The following KCNIP4 variants were observed in gnomAD, a reference collection of about 807,000 sequenced individuals.
KCNIP4 encodes Kv channel-interacting protein 4.
KCNIP4 carries 12 observed loss-of-function variants against 34.0 expected under a neutral mutation model. The observed-to-expected ratio is 0.35, with a 90% CI of 0.23 to 0.57. KCNIP4 has a LOEUF of 0.57. Among genes scored for constraint, KCNIP4 ranks in the 20% least tolerant of loss-of-function variants. The probability of loss-of-function intolerance (pLI) is 0.83; values close to 1 mark genes in which losing one functional copy is unlikely to be tolerated. For missense variants in KCNIP4, 238 were observed against 311.7 expected (o/e 0.76, Z 1.78); for synonymous variants, 124 against 102.2 (o/e 1.21, Z -1.29).
At chr4:20,911,463 G>C (rs1577354424) in intron 1 of KCNIP4, among the ~76,000 whole-genome samples, 3 of 152,194 alleles carry the variant, frequency 2.0e-5, no homozygotes, top group African/African-American at 7.2e-5. Context: ...CTAGTGGCTT[G>C]AGATGGGTTA....
chr4:21,911,289 A>G (rs1728294018), intron 1 of KCNIP4, among the ~76,000 whole-genome samples: 1 of 152,186 alleles, frequency 6.6e-6, no homozygotes, highest in African/African-American at 2.4e-5. Context: ...TAGACAAGAT[A>G]CAAGTTTTCT....
chr4:21,024,793 G>A (rs2149753718), intron 1 of KCNIP4, among the ~76,000 whole-genome samples: 1 of 152,252 alleles, frequency 6.6e-6, no homozygotes, highest in Middle Eastern at 3.4e-3. Context: ...AGATCCTATT[G>A]TTATTGACTT....
At chr4:21,611,939 A>G (rs1744193570) in intron 1 of KCNIP4, among the ~76,000 whole-genome samples, 1 of 152,202 alleles carries the variant, frequency 6.6e-6, no homozygotes, top group African/African-American at 2.4e-5. Flanking sequence ...AGATAAACTT[A>G]GAGAAACTGC....
chr4:21,869,783 T>TAGAC (rs1278922960), intron 1 of KCNIP4, among the ~76,000 whole-genome samples: 1,933 of 143,822 alleles, frequency 0.013, 55 homozygotes, highest in East Asian at 0.035. Context: ...GATAGATAGA[T>TAGAC]AGACAGACAG....
intron 1 of KCNIP4, among the ~76,000 whole-genome samples, chr4:20,937,159 T>C (rs1731150024): frequency 6.6e-6 from 1 of 151,826 alleles, no homozygotes; most frequent in South Asian, 2.1e-4. Context: ...AGGTCTTTAT[T>C]TAGTGCTGCA....
At chr4:21,768,322 ACAGTAC>A (rs1418513858) in intron 1 of KCNIP4, among the ~76,000 whole-genome samples, 15 of 152,038 alleles carry the variant, frequency 9.9e-5, no homozygotes, top group Admixed American at 4.6e-4. Context: ...CTCTCTCTAA[ACAGTAC>A]CAGAAACTCC....
intron 1 of KCNIP4, among the ~76,000 whole-genome samples, chr4:21,512,001 A>G (rs943519335): frequency 1.3e-5 from 2 of 151,748 alleles, no homozygotes; most frequent in African/African-American, 4.8e-5. Flanking sequence ...AGATGGAAGG[A>G]AGTAAGGAGT....
chr4:21,104,722 T>A (rs1748327750), intron 1 of KCNIP4, among the ~76,000 whole-genome samples: 1 of 151,730 alleles, frequency 6.6e-6, no homozygotes, highest in South Asian at 2.1e-4. Flanking sequence ...GTTTTTATGG[T>A]TTTAGCTCTA....
intron 3 of KCNIP4, among the ~76,000 whole-genome samples, chr4:20,775,328 A>G (rs1460911485): frequency 6.6e-6 from 1 of 152,194 alleles, no homozygotes; most frequent in Non-Finnish European, 1.5e-5. Context: ...CATGGATTGC[A>G]ATGTAAATAA....
At chr4:20,930,838 T>TA (rs34828281) in intron 1 of KCNIP4, among the ~76,000 whole-genome samples, 75,578 of 144,102 alleles carry the variant, frequency 0.52, 20,722 homozygotes, top group East Asian at 0.75. Flanking sequence ...ATGGCTATTA[T>TA]AAAAAAAAAA....
intron 1 of KCNIP4, among the ~76,000 whole-genome samples, chr4:21,174,987 C>CT (rs201939257): frequency 0.023 from 3,413 of 151,032 alleles, 143 homozygotes; most frequent in African/African-American, 0.077. Flanking sequence ...GATTTTGTTA[C>CT]TTTTTTTTAC....
chr4:21,056,032 G>T (rs1743366765), intron 1 of KCNIP4, among the ~76,000 whole-genome samples: 1 of 152,114 alleles, frequency 6.6e-6, no homozygotes, highest in South Asian at 2.1e-4. Context: ...GAGGCTGTGT[G>T]TCGGGGTGGG....
rs746901878 is a variant in KCNIP4, at chr4:20,734,666, G to C, written c.499C>G (p.Leu167Val). 6.3e-7 allele frequency: 1 copy of C among 1,597,540 alleles called. No homozygotes were observed. Among genetic ancestry groups the C allele is most frequent in the Admixed American group, 1.7e-5 (1 of 58,262 alleles). The change falls in exon 6 of 9, where the codon CTG becomes GTG. Residue 167 changes from leucine to valine, a missense_variant. Leu to Val is a conservative substitution (Grantham distance 32). Coordinates refer to ENST00000382152, the MANE Select transcript of KCNIP4 (RefSeq NM_025221.6). ...TAGCCATCTTTATTTATGTCATACA[G>C]ATTAAATGCCCAATTGAGTTTTTCT... ...VQEKLNWAFN[L>V]YDINKDGYIT... is the part of the protein sequence containing the mutation.
At chr4:21,750,845 T>A (rs1304968516) in intron 1 of KCNIP4, among the ~76,000 whole-genome samples, 1 of 152,114 alleles carries the variant, frequency 6.6e-6, no homozygotes, top group Non-Finnish European at 1.5e-5. Flanking sequence ...CCTACATGGC[T>A]TCAAACAATT....
intron 1 of KCNIP4, among the ~76,000 whole-genome samples, chr4:21,337,806 T>C (rs1313816746): frequency 6.6e-6 from 1 of 152,168 alleles, no homozygotes; most frequent in East Asian, 1.9e-4. Context: ...GAGTTTCCTA[T>C]TGTAAAGTGG....
rs73107462 is a variant in KCNIP4, at chr4:21,143,060, C to A, written c.62-260351G>T. ...AGATTACTAGGTGTTGTGCAGAATC[C>A]TCAAGATAGCTCCCCCAACATTCAG... On this transcript the variant is annotated intron_variant, in intron 1 of 8. Coordinates refer to ENST00000382152, the MANE Select transcript of KCNIP4 (RefSeq NM_025221.6). 2.0e-5 allele frequency among the ~76,000 whole-genome samples: 3 copies of A among 151,922 alleles called. No individual in the cohort carries two copies. In the East Asian group the frequency reaches 5.8e-4, roughly 29 times the overall value.
intron 1 of KCNIP4, among the ~76,000 whole-genome samples, chr4:21,887,525 C>A (rs1304839530): frequency 6.6e-6 from 1 of 152,058 alleles, no homozygotes; most frequent in Non-Finnish European, 1.5e-5. Flanking sequence ...GTCCACATCA[C>A]CTGGGGACAG....
intron 3 of KCNIP4, among the ~76,000 whole-genome samples, chr4:20,781,775 G>A (rs990899933): frequency 6.6e-6 from 1 of 151,984 alleles, no homozygotes; most frequent in African/African-American, 2.4e-5. Context: ...TTCAATCCCT[G>A]GCCCCTCCAA....
intron 1 of KCNIP4, among the ~76,000 whole-genome samples, chr4:21,080,369 T>G (rs993621090): frequency 1.3e-5 from 2 of 152,018 alleles, no homozygotes; most frequent in African/African-American, 4.8e-5. Context: ...TTCATTATTA[T>G]GCTTACCTCT....
Sources: allele counts gnomAD v4.1 joint callset (sites outside exome capture counted in the v4.1 genomes callset), GRCh38; gene constraint gnomAD v4.1.1; transcripts MANE v1.5; gene names NCBI Gene and HGNC (gene_info 2026-07-23, HGNC 2026-07-21).